The following ABCA1 variants were observed in gnomAD, a reference collection of about 807,000 sequenced individuals.
ABCA1 encodes ATP binding cassette subfamily A member 1.
ABCA1 carries 133 observed loss-of-function variants against 262.5 expected under a neutral mutation model. The ratio of observed to expected loss-of-function variants is 0.51; its 90% CI spans 0.44 to 0.59. The LOEUF is 0.59. Among genes scored for constraint, ABCA1 ranks in the 20% least tolerant of loss-of-function variants. ABCA1 has a pLI of 0.00. For synonymous variants in ABCA1, 1,022 were observed against 1,043.5 expected, an observed-to-expected ratio of 0.98 and a Z score of 0.40; for missense variants, 2,452 against 2,777.5, an observed-to-expected ratio of 0.88 and a Z score of 2.63.
At chr9:104,787,883 G>A in intron 46 of ABCA1, 37 bp downstream of exon 46, 1 of 1,613,836 alleles carries the variant, frequency 6.2e-7, no homozygotes, top group Non-Finnish European at 8.5e-7. Context: ...TTCCACTCAG[G>A]CCAGAACAAC....
intron 15 of ABCA1, among the ~76,000 whole-genome samples, chr9:104,827,708 C>T (rs1312670655): frequency 1.3e-5 from 2 of 152,206 alleles, no homozygotes; most frequent in Admixed American, 1.3e-4. Context: ...TGTCTCAGAG[C>T]AGCTCTTATG....
intron 44 of ABCA1, among the ~76,000 whole-genome samples, chr9:104,789,553 T>C (rs779265576): frequency 6.6e-6 from 1 of 152,222 alleles, no homozygotes; most frequent in Non-Finnish European, 1.5e-5. Flanking sequence ...TGTTCATTAG[T>C]GGTTTGGGAA....
intron 5 of ABCA1, 101 bp downstream of exon 5, chr9:104,882,938 A>G (rs1838812795): frequency 8.5e-7 from 1 of 1,176,460 alleles, no homozygotes; most frequent in Non-Finnish European, 1.3e-6. Context: ...CCCCTTGGGG[A>G]AGATCTAATG....
chr9:104,909,654 A>ACACACACACACACACACACG (rs770801372), intron 1 of ABCA1, among the ~76,000 whole-genome samples: 5 of 146,618 alleles, frequency 3.4e-5, no homozygotes, highest in African/African-American at 1.3e-4. Context: ...ACACACACAC[A>ACACACACACACACACACACG]TTCACAGGAA....
chr9:104,895,109 T>TA (rs1337457592), intron 2 of ABCA1, among the ~76,000 whole-genome samples: 6 of 152,206 alleles, frequency 3.9e-5, no homozygotes, highest in Admixed American at 1.3e-4. Flanking sequence ...CCTTTACCAT[T>TA]ATAAATTCCT....
intron 2 of ABCA1, among the ~76,000 whole-genome samples, chr9:104,898,628 T>C (rs1351697345): frequency 1.3e-5 from 2 of 151,992 alleles, no homozygotes; most frequent in African/African-American, 2.4e-5. Context: ...CCCAGGAGAA[T>C]TGGCCCTAAA....
intron 1 of ABCA1, among the ~76,000 whole-genome samples, chr9:104,913,375 T>C (rs779268835): frequency 6.6e-6 from 1 of 152,206 alleles, no homozygotes; most frequent in Non-Finnish European, 1.5e-5. Context: ...TGAGCCCCTG[T>C]ATCTTCTCCA....
At chr9:104,919,439 G>A (rs1006956386) in intron 1 of ABCA1, among the ~76,000 whole-genome samples, 25 of 151,928 alleles carry the variant, frequency 1.6e-4, no homozygotes, top group Admixed American at 1.4e-3. Flanking sequence ...GTAAAACCCC[G>A]TCTCTATTAA....
At chr9:104,806,130 G>T in intron 31 of ABCA1, 111 bp downstream of exon 31, 1 of 1,175,966 alleles carries the variant, frequency 8.5e-7, no homozygotes, top group Non-Finnish European at 1.2e-6. Flanking sequence ...AAACAAAAAA[G>T]ACTGAAACAG....
chr9:104,897,276 T>C (rs1168422748), intron 2 of ABCA1, among the ~76,000 whole-genome samples: 1 of 152,106 alleles, frequency 6.6e-6, no homozygotes, highest in African/African-American at 2.4e-5. Context: ...AACTACAAAG[T>C]CTCATGCATT....
chr9:104,879,455 G>C (rs940214355), intron 5 of ABCA1, among the ~76,000 whole-genome samples: 2 of 152,212 alleles, frequency 1.3e-5, no homozygotes, highest in Non-Finnish European at 2.9e-5. Flanking sequence ...AGGCCAAAGA[G>C]AGTTGTTTAT....
chr9:104,832,846 A>T (rs1025705179), intron 11 of ABCA1, 75 bp from the exon 12 acceptor site: 37 of 1,341,844 alleles, frequency 2.8e-5, no homozygotes, highest in Non-Finnish European at 3.6e-5. Context: ...TTTACAAAAT[A>T]CTTGCATATA....
rs201879964 is a variant in ABCA1, at chr9:104,809,518, G to A, written c.4222C>T (p.Leu1408Phe). ...DTGTLELLNA[L>F]TKDPGFGTRC... ...GTCCCGAAGCCAGGGTCTTTGGTGAGGGCGTTTAAGAGTTCCAGGGTTCCC... is the reference window on the plus strand; with the variant it reads ...GTCCCGAAGCCAGGGTCTTTGGTGAAGGCGTTTAAGAGTTCCAGGGTTCCC... Residue 1408 changes from leucine (L) to phenylalanine (F), a missense_variant, in exon 30 of 50, where the codon CTC becomes TTC. Leu to Phe is a conservative substitution (Grantham distance 22). Transcript: ENST00000374736. 7.4e-5 allele frequency: 120 copies of A among 1,614,210 alleles called. No homozygotes were observed. The Admixed American group carries it at 2.0e-3, about 27-fold the overall frequency.
intron 2 of ABCA1, among the ~76,000 whole-genome samples, chr9:104,898,841 A>C (rs2777785): frequency 1.6e-3 from 241 of 152,014 alleles, no homozygotes; most frequent in Non-Finnish European, 3.0e-3. Flanking sequence ...TTAATGTGAC[A>C]ACCTGTCAAT....
At chr9:104,819,049 A>G (rs767004864) in intron 22 of ABCA1, among the ~76,000 whole-genome samples, 166 bp from the exon 23 acceptor site, 2 of 152,200 alleles carry the variant, frequency 1.3e-5, no homozygotes, top group Non-Finnish European at 2.9e-5. Context: ...AAAGCTTTGT[A>G]TATATAGGTA....
chr9:104,900,784 C>G (rs2777791), intron 2 of ABCA1, among the ~76,000 whole-genome samples: 71,510 of 152,134 alleles, frequency 0.47, 18,648 homozygotes, highest in African/African-American at 0.71. Context: ...CCAGATCTTT[C>G]CAACTCTAAC....
intron 2 of ABCA1, among the ~76,000 whole-genome samples, chr9:104,890,442 A>AT (rs1839615213): frequency 6.6e-6 from 1 of 152,094 alleles, no homozygotes; most frequent in African/African-American, 2.4e-5. Context: ...GTAGCTGGGC[A>AT]TAGTGGTGGG....
intron 18 of ABCA1, 33 bp from the exon 19 acceptor site, chr9:104,822,700 C>T (rs780956094): frequency 3.1e-6 from 5 of 1,612,348 alleles, no homozygotes; most frequent in African/African-American, 1.3e-5. Flanking sequence ...AATGAACCCA[C>T]AGAAAGCACT....
At chr9:104,831,572 G>C (rs553082985) in intron 13 of ABCA1, 50 bp downstream of exon 13, 3 of 1,473,938 alleles carry the variant, frequency 2.0e-6, no homozygotes, top group South Asian at 1.2e-5. Flanking sequence ...AATATAATAG[G>C]TGCTCTGGAC....
Sources: gnomAD v4.1 joint callset for allele counts (sites outside exome capture counted in the v4.1 genomes callset) on GRCh38, gnomAD v4.1.1 for gene constraint, MANE v1.5 for transcripts, NCBI Gene and HGNC (gene_info 2026-07-23, HGNC 2026-07-21) for gene names.